CNTNAP2: variants seen among roughly 807,000 people sequenced by gnomAD.
The protein encoded by CNTNAP2 is contactin associated protein 2.
A neutral mutation model predicts 155.2 loss-of-function variants in CNTNAP2; 98 were observed. The ratio of observed to expected loss-of-function variants is 0.63; its 90% CI spans 0.54 to 0.75. The LOEUF (loss-of-function observed/expected upper bound fraction) is 0.75. CNTNAP2 is among the 30% of genes least tolerant of loss of function. CNTNAP2 has a pLI of 0.00. For missense variants in CNTNAP2, 1,727 were observed against 1,688.1 expected (o/e 1.02, Z -0.40); for synonymous variants, 651 against 631.2 (o/e 1.03, Z -0.47).
chr7:147,026,286 T>C (rs902831702), intron 3 of CNTNAP2, among the ~76,000 whole-genome samples: 2 of 152,182 alleles, frequency 1.3e-5, no homozygotes, highest in African/African-American at 4.8e-5. Flanking sequence ...GAAACATAGA[T>C]TGTATCTGAG....
chr7:147,099,320 G>A (rs1469426354), intron 4 of CNTNAP2, among the ~76,000 whole-genome samples: 1 of 152,030 alleles, frequency 6.6e-6, no homozygotes, highest in Non-Finnish European at 1.5e-5. Flanking sequence ...TCTAGAAATT[G>A]GCTAACTCTG....
intron 1 of CNTNAP2, among the ~76,000 whole-genome samples, chr7:146,498,663 T>C (rs1262815651): frequency 4.2e-5 from 6 of 143,510 alleles, no homozygotes; most frequent in Non-Finnish European, 7.5e-5. Context: ...AAAACAAAGT[T>C]GTATAGGAAG....
At chr7:146,868,551 A>G (rs918665884) in intron 3 of CNTNAP2, among the ~76,000 whole-genome samples, 1 of 152,204 alleles carries the variant, frequency 6.6e-6, no homozygotes, top group African/African-American at 2.4e-5. Flanking sequence ...GGTTCTGTGA[A>G]TAATAATCTT....
intron 21 of CNTNAP2, among the ~76,000 whole-genome samples, chr7:148,354,683 C>CTTT (rs78922300): frequency 1.4e-4 from 21 of 145,062 alleles, no homozygotes; most frequent in African/African-American, 3.0e-4. Context: ...AAAAGGCTTT[C>CTTT]TTTTTTTTTT....
intron 10 of CNTNAP2, among the ~76,000 whole-genome samples, chr7:147,431,224 A>G (rs993267530): frequency 2.0e-5 from 3 of 152,128 alleles, no homozygotes; most frequent in South Asian, 2.1e-4. Flanking sequence ...TTTGATAAAT[A>G]TTTCTTCTTA....
chr7:147,152,623 A>G (rs1016897362), intron 8 of CNTNAP2, among the ~76,000 whole-genome samples: 2 of 152,126 alleles, frequency 1.3e-5, no homozygotes, highest in Admixed American at 1.3e-4. Context: ...TTTACAGTAT[A>G]GTTGAGGAGA....
chr7:146,121,525 G>A (rs1314621636), intron 1 of CNTNAP2, among the ~76,000 whole-genome samples: 1 of 152,032 alleles, frequency 6.6e-6, no homozygotes, highest in African/African-American at 2.4e-5. Context: ...GATGTCAGTG[G>A]GATGAAGAAA....
At chr7:148,136,318 A>T (rs1394300497) in intron 16 of CNTNAP2, among the ~76,000 whole-genome samples, 1 of 151,958 alleles carries the variant, frequency 6.6e-6, no homozygotes, top group Non-Finnish European at 1.5e-5. Flanking sequence ...ATGGGGGCGG[A>T]TCCTTCATGA....
At chr7:146,896,274 C>G (rs1347911568) in intron 3 of CNTNAP2, among the ~76,000 whole-genome samples, 1 of 152,030 alleles carries the variant, frequency 6.6e-6, no homozygotes, top group African/African-American at 2.4e-5. Context: ...TCCAAACTTG[C>G]ATACACCCTT....
intron 20 of CNTNAP2, among the ~76,000 whole-genome samples, chr7:148,257,996 G>C (rs888729950): frequency 6.6e-6 from 1 of 152,112 alleles, no homozygotes; most frequent in Non-Finnish European, 1.5e-5. Flanking sequence ...AGCCAGTGCT[G>C]ACCCATTTAA....
At chr7:146,608,308 A>G (rs1799080425) in intron 1 of CNTNAP2, among the ~76,000 whole-genome samples, 1 of 152,218 alleles carries the variant, frequency 6.6e-6, no homozygotes, top group Non-Finnish European at 1.5e-5. Context: ...TTTAAGACAG[A>G]TCTGGTACAG....
intron 1 of CNTNAP2, among the ~76,000 whole-genome samples, chr7:146,253,086 G>A (rs1236308212): frequency 6.6e-6 from 1 of 152,114 alleles, no homozygotes; most frequent in East Asian, 1.9e-4. Context: ...ACTCAAAAAT[G>A]GTGCAATACT....
chr7:147,990,780 A>T (rs1363885328), intron 15 of CNTNAP2, among the ~76,000 whole-genome samples: 2 of 152,158 alleles, frequency 1.3e-5, no homozygotes, highest in Non-Finnish European at 2.9e-5. Flanking sequence ...TGCATCACCA[A>T]CCAGTGACGC....
chr7:147,355,595 A>G (rs1215688680), intron 9 of CNTNAP2, among the ~76,000 whole-genome samples: 2 of 152,144 alleles, frequency 1.3e-5, no homozygotes, highest in Non-Finnish European at 2.9e-5. Flanking sequence ...AATAAAAATG[A>G]TAAAGGGGAT....
At chr7:146,262,864 G>C (rs1799940347) in intron 1 of CNTNAP2, among the ~76,000 whole-genome samples, 1 of 152,156 alleles carries the variant, frequency 6.6e-6, no homozygotes, top group Admixed American at 6.5e-5. Flanking sequence ...TATGCAGAAA[G>C]TAATTGGGAA....
chr7:146,881,408 C>T (rs1795547781), intron 3 of CNTNAP2, among the ~76,000 whole-genome samples: 1 of 151,954 alleles, frequency 6.6e-6, no homozygotes, highest in African/African-American at 2.4e-5. Context: ...CTTATGGAAA[C>T]CCAGACATCA....
chr7:147,469,063 T>C (rs1798167569), intron 10 of CNTNAP2, among the ~76,000 whole-genome samples: 2 of 152,088 alleles, frequency 1.3e-5, no homozygotes, highest in Admixed American at 1.3e-4. Flanking sequence ...GCTCAAGTGA[T>C]CCACCCACCT....
chr7:147,984,986 G>A (rs550357966), intron 15 of CNTNAP2, among the ~76,000 whole-genome samples: 29 of 152,058 alleles, frequency 1.9e-4, no homozygotes, highest in African/African-American at 7.0e-4. Flanking sequence ...ATGTTGGTGC[G>A]CACCTGTAAT....
At chr7:147,280,402 C>T (rs1435503322) in intron 8 of CNTNAP2, among the ~76,000 whole-genome samples, 2 of 151,892 alleles carry the variant, frequency 1.3e-5, no homozygotes, top group East Asian at 1.9e-4. Context: ...AAAAATCTCT[C>T]GTAGAAGTCA....
Sources: gnomAD v4.1 joint callset for allele counts (sites outside exome capture counted in the v4.1 genomes callset) on GRCh38, gnomAD v4.1.1 for gene constraint, MANE v1.5 for transcripts, NCBI Gene and HGNC (gene_info 2026-07-23, HGNC 2026-07-21) for gene names.